Variants in MMP13 observed in about 807,000 individuals in gnomAD.
MMP13 encodes collagenase 3.
In MMP13, 45 loss-of-function variants were observed where a neutral mutation model predicts 52.1. That is an observed-to-expected ratio of 0.86 (90% CI 0.68 to 1.11). MMP13 has a LOEUF of 1.11. Ranked by LOEUF, MMP13 falls within the 50% of genes least tolerant of loss-of-function variation. MMP13 has a pLI of 0.00. For synonymous variants in MMP13, 200 were observed against 204.4 expected (o/e 0.98, Z 0.18); for missense variants, 576 against 583.8 (o/e 0.99, Z 0.14).
chr11:102,950,981 G>C (rs538097650), intron 5 of MMP13, among the ~76,000 whole-genome samples: 129 of 152,244 alleles, frequency 8.5e-4, no homozygotes, highest in Admixed American at 2.0e-3. Context: ...GAAATCTAGA[G>C]GGTAAAAGAA....
chr11:102,947,911 G>A lies in MMP13; in HGVS notation c.1191C>T (p.Phe397=). The A allele has an allele frequency of 6.2e-7, 1 of 1,613,912 alleles. No homozygotes were observed. The highest frequency in any genetic ancestry group is 8.5e-7 in the Non-Finnish European group (1 of 1,179,874). ...HFEDTGKTLL[F]SGNQVWRYDD... ...CATACCTCCAGACCTGGTTTCCTGA[G>A]AACAGGAGAGTCTTGCCTGTATCCT... The change falls in exon 8 of 10, where the codon TTC becomes TTT. Residue 397 remains phenylalanine (F), a synonymous_variant. Transcript: ENST00000260302.
At position 102,945,658 on chromosome 11, in the gene MMP13, A is replaced by G; in HGVS notation, c.1303T>C (p.Tyr435His). The change falls in exon 9 of 10, where the codon TAT becomes CAT. Residue 435 changes from tyrosine (Y) to histidine (H), a missense_variant. Tyr to His is a moderately conservative substitution (Grantham distance 83, BLOSUM62 2). Transcript: ENST00000260302. The stretch of plus-strand genomic sequence containing the variant: ...TGTAACTACTTACCATTTTTCTCAT[A>G]GACAGCATCTACTTTATCACCAATT... ...PGIGDKVDAV[Y>H]EKNGYIYFFN... is the part of the protein sequence containing the mutation. 1 of 1,590,832 alleles carries G rather than the reference A, an allele frequency of 6.3e-7. No homozygotes were observed. The highest frequency in any genetic ancestry group is 8.6e-7 in the Non-Finnish European group (1 of 1,159,660).
Position 102,954,220 on chromosome 11 carries a change from A to G in MMP13, c.573T>C (p.Pro191=), listed in dbSNP as rs1476509683. The G allele has an allele frequency of 4.3e-6, 7 of 1,613,696 alleles. No homozygotes were observed. Among genetic ancestry groups the G allele is most frequent in the Admixed American group, 1.7e-5 (1 of 59,936 alleles). The change falls in exon 4 of 10, where the codon CCT becomes CCC. Residue 191 remains proline, a synonymous_variant. Transcript: ENST00000260302. ...PSGLLAHAFP[P]GPNYGGDAHF... ...GGGCATCTCCTCCATAATTTGGCCCAGGAGGAAAAGCATGAGCCAGCAGGC... is the reference window on the plus strand; with the variant it reads ...GGGCATCTCCTCCATAATTTGGCCCGGGAGGAAAAGCATGAGCCAGCAGGC...
At position 102,950,178 on chromosome 11, in the gene MMP13, T is replaced by A; in HGVS notation, c.849A>T (p.Lys283Asn). The A allele has an allele frequency of 6.2e-7, 1 of 1,613,894 alleles. No individual in the cohort carries two copies. Among genetic ancestry groups the A allele is most frequent in the Non-Finnish European group, 8.5e-7 (1 of 1,179,812 alleles). ...CATCAAGGGATAAGGAAGGGTCACA[T>A]TTGTCTGGCGTTTTTGGATGTTTAG... ...PNPKHPKTPD[K>N]CDPSLSLDAI... The change falls in exon 6 of 10, where the codon AAA becomes AAT. Residue 283 changes from lysine to asparagine, a missense_variant. Transcript: ENST00000260302.
chr11:102,947,255 G>A (rs1289053540), intron 8 of MMP13, among the ~76,000 whole-genome samples: 1 of 152,160 alleles, frequency 6.6e-6, no homozygotes, highest in Non-Finnish European at 1.5e-5. Context: ...AAAGTGACAA[G>A]AAAGAGAATA....
Position 102,952,040 on chromosome 11 carries a change from G to A in MMP13, c.771C>T (p.Asp257=), listed in dbSNP as rs150719050. Reference sequence around the variant, plus strand: ...AGAGAGACTGGATCCCTTGTACATCGTCATCAGGAAGCATAAAGTGGCTTT... The same window carrying A: ...AGAGAGACTGGATCCCTTGTACATCATCATCAGGAAGCATAAAGTGGCTTT... ...TGKSHFMLPD[D]DVQGIQSLYG... Residue 257 remains aspartate, a synonymous_variant, in exon 5 of 10, where the codon GAC becomes GAT. Coordinates refer to ENST00000260302, the MANE Select transcript of MMP13 (RefSeq NM_002427.4). This position sits in a 1 kb window ranked among gnomAD's most constrained non-coding sequence, Gnocchi z 4.3. The A allele has an allele frequency of 6.9e-5, 112 of 1,613,072 alleles. No homozygotes were observed. Among genetic ancestry groups the A allele is most frequent in the Non-Finnish European group, 8.7e-5 (103 of 1,179,366 alleles).
At chr11:102,950,578 C>T (rs1449998601) in intron 5 of MMP13, among the ~76,000 whole-genome samples, 1 of 152,132 alleles carries the variant, frequency 6.6e-6, no homozygotes, top group Non-Finnish European at 1.5e-5. Context: ...CCCTTAAAGC[C>T]ATTTTTGATG....
In MMP13 at chr11:102,952,658, C is replaced by T. The variant is rs1416542065; in HGVS notation, c.638-485G>A. Among the ~76,000 whole-genome samples the T allele has an allele frequency of 6.6e-6, 1 of 152,108 alleles. No individual in the cohort carries two copies. Among genetic ancestry groups the T allele is most frequent in the Non-Finnish European group, 1.5e-5 (1 of 68,006 alleles). The stretch of plus-strand genomic sequence containing the variant: ...GGATGGAGGATGCACTAAATAGGTT[C>T]TCTGTGTTTACTCTTGGGAGCAAAT... On this transcript the variant is annotated intron_variant, in intron 4 of 9. Coordinates refer to ENST00000260302, the MANE Select transcript of MMP13 (RefSeq NM_002427.4). This position sits in a 1 kb window ranked among gnomAD's most constrained non-coding sequence, Gnocchi z 4.3.
At position 102,955,357 on chromosome 11, in the gene MMP13, T is replaced by C. The variant is rs765212942; in HGVS notation, c.257A>G (p.Asn86Ser). ...GLEVTGKLDD[N>S]TLDVMKKPRC... The stretch of plus-strand genomic sequence containing the variant: ...TGGCTTTTTCATGACATCTAAGGTG[T>C]TATCGTCAAGTTTGCCAGTCACCTC... Residue 86 changes from asparagine to serine, a missense_variant, in exon 2 of 10, where the codon AAC becomes AGC. Coordinates refer to ENST00000260302, the MANE Select transcript of MMP13 (RefSeq NM_002427.4). This position sits in a 1 kb window ranked among gnomAD's most constrained non-coding sequence, Gnocchi z 4.9. 1.5e-5 allele frequency: 25 copies of C among 1,613,870 alleles called. No homozygotes were observed. Among genetic ancestry groups the C allele is most frequent in the Non-Finnish European group, 2.0e-5 (24 of 1,179,938 alleles).
In MMP13 at chr11:102,949,328, G is replaced by A. The variant is rs1160644910; in HGVS notation, c.918-170C>T. On this transcript the variant is annotated intron_variant, in intron 6 of 9. Transcript: ENST00000260302. The surrounding 1 kb of genome is among the most constrained non-coding windows in gnomAD (Gnocchi z 4.2). ...CCTTTAAGCGCCAGTGACAAGTTGT[G>A]CTATCCTAACTAGCGTAAGGTATTC... Among the ~76,000 whole-genome samples the A allele has an allele frequency of 6.6e-6, 1 of 152,120 alleles. No individual in the cohort carries two copies. The highest frequency in any genetic ancestry group is 1.5e-5 in the Non-Finnish European group (1 of 68,030).
chr11:102,954,155 C>T lies in MMP13; in HGVS notation c.637+1G>A. On this transcript the variant is annotated splice_donor_variant, in intron 4 of 9. Transcript: ENST00000260302. LOFTEE classifies it high-confidence loss of function. ...AATGATATCTTTATAAGAAACATTA[C>T]CTTTGGAACTACTTGTCCAGGTTTC... is the stretch of plus-strand genomic sequence containing the variant. 1.2e-6 allele frequency: 2 copies of T among 1,613,262 alleles called. No homozygotes were observed. The highest frequency in any genetic ancestry group is 1.1e-5 in the South Asian group (1 of 91,068).
chr11:102,954,040 A>G, intron 4 of MMP13, 116 bp downstream of exon 4: 4 of 1,190,188 alleles, frequency 3.4e-6, no homozygotes, highest in Non-Finnish European at 4.8e-6. Flanking sequence ...AACTTTATTT[A>G]AGAAAATATA....
rs537378444 is a variant in MMP13 at position 102,952,790 on chromosome 11, G to A, written c.638-617C>T. 6.6e-6 allele frequency among the ~76,000 whole-genome samples: 1 copy of A among 152,236 alleles called. No individual in the cohort carries two copies. The highest frequency in any genetic ancestry group is 1.5e-5 in the Non-Finnish European group (1 of 68,010). On this transcript the variant is annotated intron_variant, in intron 4 of 9. Coordinates refer to ENST00000260302, the MANE Select transcript of MMP13 (RefSeq NM_002427.4). This position sits in a 1 kb window ranked among gnomAD's most constrained non-coding sequence, Gnocchi z 4.3. Reference sequence around the variant, plus strand: ...TTTCTCTACTCTAGAAGACTACTATGTCACTGTATTTACATTGTTCCCTCT... The same window carrying A: ...TTTCTCTACTCTAGAAGACTACTATATCACTGTATTTACATTGTTCCCTCT...
At chr11:102,951,896 A>G in intron 5 of MMP13, 116 bp downstream of exon 5, 1 of 1,053,750 alleles carries the variant, frequency 9.5e-7, no homozygotes, top group Non-Finnish European at 1.5e-6. Flanking sequence ...TTTGTCATGC[A>G]TGCGCTTCAC....
chr11:102,945,265 A>T, intron 9 of MMP13: 1 of 962,578 alleles, frequency 1.0e-6, no homozygotes, highest in Admixed American at 4.0e-5. Context: ...AAGGTTGAGA[A>T]CATAATTAAA....
At position 102,952,794 on chromosome 11, in the gene MMP13, C is replaced by T. The variant is rs1353437509; in HGVS notation, c.638-621G>A. ...TCTACTCTAGAAGACTACTATGTCA[C>T]TGTATTTACATTGTTCCCTCTAAGC... On this transcript the variant is annotated intron_variant, in intron 4 of 9. Coordinates refer to ENST00000260302, the MANE Select transcript of MMP13 (RefSeq NM_002427.4). The surrounding 1 kb of genome is among the most constrained non-coding windows in gnomAD (Gnocchi z 4.3). Among the ~76,000 whole-genome samples the T allele has an allele frequency of 6.6e-6, 1 of 152,156 alleles. No homozygotes were observed. Among genetic ancestry groups the T allele is most frequent in the Non-Finnish European group, 1.5e-5 (1 of 68,024 alleles).
At chr11:102,950,358 G>T (rs1250768258) in intron 5 of MMP13, 131 bp from the exon 6 acceptor site, 1 of 799,806 alleles carries the variant, frequency 1.3e-6, no homozygotes, top group Non-Finnish European at 2.3e-6. Flanking sequence ...AGGTCCTGGG[G>T]CTCCTACATC....
chr11:102,948,155 T>TTTATTAATATTTCTC, intron 7 of MMP13, 105 bp from the exon 8 acceptor site: 1 of 841,952 alleles, frequency 1.2e-6, no homozygotes, highest in Non-Finnish European at 1.9e-6. Flanking sequence ...TGAGAAATAT[T>TTTATTAATATTTCTC]AATAAAATAT....
intron 5 of MMP13, among the ~76,000 whole-genome samples, chr11:102,951,576 G>A (rs1434230837): frequency 1.2e-4 from 18 of 152,168 alleles, no homozygotes; most frequent in African/African-American, 4.3e-4. Context: ...CAAGAAAGCA[G>A]CATTGGCAGT....
Sources: gnomAD v4.1 joint callset for allele counts (sites outside exome capture counted in the v4.1 genomes callset) on GRCh38, gnomAD v4.1.1 for gene constraint, Gnocchi (gnomAD v3.1) non-coding constraint, MANE v1.5 for transcripts, NCBI Gene and HGNC (gene_info 2026-07-23, HGNC 2026-07-21) for gene names.